Variants in FAM135B observed in about 807,000 individuals in gnomAD.
The protein encoded by FAM135B is protein FAM135B.
FAM135B carries 43 observed loss-of-function variants against 127.7 expected under a neutral mutation model. That is an observed-to-expected ratio of 0.34 (90% CI 0.26 to 0.43). The LOEUF is 0.43. Ranked by LOEUF, FAM135B falls within the 20% of genes least tolerant of loss-of-function variation. FAM135B has a pLI of 1.00. For missense variants in FAM135B, 1,558 were observed against 1,725.6 expected (o/e 0.90, Z 1.72); for synonymous variants, 670 against 665.1 (o/e 1.01, Z -0.11).
At chr8:138,493,264 T>C (rs1815271086) in intron 1 of FAM135B, among the ~76,000 whole-genome samples, 1 of 152,140 alleles carries the variant, frequency 6.6e-6, no homozygotes, top group South Asian at 2.1e-4. Context: ...AAGATCAGAC[T>C]TGAATCTGAA....
intron 4 of FAM135B, among the ~76,000 whole-genome samples, chr8:138,261,725 T>C (rs1019335478): frequency 1.6e-4 from 24 of 151,598 alleles, no homozygotes; most frequent in African/African-American, 5.3e-4. Flanking sequence ...GTTCTGTCCA[T>C]GGTCATCTCT....
intron 1 of FAM135B, among the ~76,000 whole-genome samples, chr8:138,401,508 C>T (rs963385996): frequency 1.3e-5 from 2 of 152,200 alleles, no homozygotes; most frequent in African/African-American, 2.4e-5. Flanking sequence ...CAGTCAGTGA[C>T]AGCCACGTGC....
At chr8:138,325,043 T>C (rs1404795957) in intron 2 of FAM135B, among the ~76,000 whole-genome samples, 2 of 152,152 alleles carry the variant, frequency 1.3e-5, no homozygotes, top group African/African-American at 2.4e-5. Flanking sequence ...TCAAAGCCCA[T>C]ATTCTTCTTT....
At chr8:138,264,342 T>A (rs1215706515) in intron 4 of FAM135B, among the ~76,000 whole-genome samples, 1 of 152,196 alleles carries the variant, frequency 6.6e-6, no homozygotes. Context: ...ATTCTCACTA[T>A]CTGAGTATCT....
At chr8:138,482,271 G>C (rs1814811997) in intron 1 of FAM135B, among the ~76,000 whole-genome samples, 1 of 152,060 alleles carries the variant, frequency 6.6e-6, no homozygotes. Flanking sequence ...AGGGAAGAGG[G>C]AAATAGGGAA....
chr8:138,158,070 A>G (rs1465461010), intron 12 of FAM135B, among the ~76,000 whole-genome samples: 1 of 152,210 alleles, frequency 6.6e-6, no homozygotes, highest in Non-Finnish European at 1.5e-5. Flanking sequence ...TACAGTAACC[A>G]AAACAGCAAG....
At position 138,446,876 on chromosome 8, in the gene FAM135B, G is replaced by A. The variant is rs548394102; in HGVS notation, c.-20+49795C>T. 5.1e-3 allele frequency among the ~76,000 whole-genome samples: 768 copies of A among 151,900 alleles called. 2 individuals are homozygous for A. The highest frequency in any genetic ancestry group is 0.037 in the Middle Eastern group (11 of 294). ...CATCAGAGTGAACAGGCAACCTACA[G>A]AATGGGAGAAAATTTTTGCAATCTA... On this transcript the variant is annotated intron_variant, in intron 1 of 19. Transcript: ENST00000395297.
intron 6 of FAM135B, among the ~76,000 whole-genome samples, chr8:138,244,496 T>C (rs1172191617): frequency 6.6e-6 from 1 of 152,178 alleles, no homozygotes; most frequent in Non-Finnish European, 1.5e-5. Context: ...TGGGGTCCCA[T>C]GGGATAAGCC....
At chr8:138,177,225 A>G in intron 11 of FAM135B, 122 bp downstream of exon 11, 1 of 835,826 alleles carries the variant, frequency 1.2e-6, no homozygotes. Context: ...ATGCAGACAG[A>G]AAGTGCAGAG....
intron 12 of FAM135B, among the ~76,000 whole-genome samples, chr8:138,160,296 G>C (rs746506206): frequency 2.0e-5 from 3 of 152,080 alleles, no homozygotes; most frequent in Non-Finnish European, 4.4e-5. Flanking sequence ...GAACCTGAAG[G>C]CTTATGGAAA....
In FAM135B at chr8:138,243,536, T is replaced by C. The variant is rs575612495; in HGVS notation, c.543-468A>G. On this transcript the variant is annotated intron_variant, in intron 6 of 19. Coordinates refer to ENST00000395297, the MANE Select transcript of FAM135B (RefSeq NM_015912.4). This position sits in a 1 kb window ranked among gnomAD's most constrained non-coding sequence, Gnocchi z 7.5. ...TCTTCCTCCATGATCCGCATGAGAG[T>C]CTAATACGATGTCAAAGACTGTCAT... Among the ~76,000 whole-genome samples, 5 of 152,214 alleles carry C rather than the reference T, an allele frequency of 3.3e-5. No homozygotes were observed. The South Asian group carries it at 1.0e-3, about 32-fold the overall frequency.
chr8:138,267,355 A>G (rs1823016461), intron 3 of FAM135B, among the ~76,000 whole-genome samples: 1 of 152,186 alleles, frequency 6.6e-6, no homozygotes, highest in Non-Finnish European at 1.5e-5. Context: ...TCTGTGGTCA[A>G]TAAGGCACCC....
At chr8:138,369,556 A>T (rs1830983279) in intron 1 of FAM135B, among the ~76,000 whole-genome samples, 1 of 152,198 alleles carries the variant, frequency 6.6e-6, no homozygotes. Context: ...AAATTCTGCA[A>T]GACAGAATTT....
intron 4 of FAM135B, among the ~76,000 whole-genome samples, chr8:138,261,875 A>T (rs529569112): frequency 1.3e-5 from 2 of 152,342 alleles, no homozygotes; most frequent in East Asian, 3.9e-4. Context: ...CCGTGAACAT[A>T]ATTTCTGGCC....
At chr8:138,154,975 C>T (rs988909601) in intron 12 of FAM135B, among the ~76,000 whole-genome samples, 3 of 152,126 alleles carry the variant, frequency 2.0e-5, no homozygotes, top group Non-Finnish European at 4.4e-5. Flanking sequence ...AGAAGAGCAA[C>T]TCCAAGACAC....
intron 3 of FAM135B, among the ~76,000 whole-genome samples, chr8:138,298,985 G>A (rs1220912170): frequency 6.6e-6 from 1 of 151,448 alleles, no homozygotes; most frequent in African/African-American, 2.4e-5. Flanking sequence ...ACTTGAACCC[G>A]GGATGCGGAG....
At position 138,130,453 on chromosome 8, in the gene FAM135B, T is replaced by C. The variant is rs1429993719; in HGVS notation, c.*2140A>G. 1 of 152,184 alleles carries C rather than the reference T, an allele frequency of 6.6e-6. No individual in the cohort carries two copies. Among genetic ancestry groups the C allele is most frequent in the Non-Finnish European group, 1.5e-5 (1 of 68,042 alleles). 9.4% of individuals were successfully genotyped at this position (152,184 alleles called of 1,614,324 possible). A position where few individuals can be genotyped will look rare whatever the true frequency, so the allele number is the denominator to read the frequency against. ...CGTTTATTGCCATTAGTTCTCACTA[T>C]GTCCAGACAGCATATTGAAGTTAAA... On this transcript the variant is annotated 3_prime_UTR_variant, in exon 20 of 20. Transcript: ENST00000395297.
intron 2 of FAM135B, among the ~76,000 whole-genome samples, chr8:138,331,054 C>T (rs2130993281): frequency 6.6e-6 from 1 of 152,232 alleles, no homozygotes; most frequent in East Asian, 1.9e-4. Flanking sequence ...GTTGGTCAGG[C>T]TGATCTTGAA....
At chr8:138,189,984 T>A (rs1330597419) in intron 9 of FAM135B, among the ~76,000 whole-genome samples, 1 of 152,164 alleles carries the variant, frequency 6.6e-6, no homozygotes, top group Non-Finnish European at 1.5e-5. Flanking sequence ...CAGCACAACC[T>A]TATCTGCATG....
Sources: gnomAD v4.1 joint callset for allele counts (sites outside exome capture counted in the v4.1 genomes callset) on GRCh38, gnomAD v4.1.1 for gene constraint, Gnocchi (gnomAD v3.1) non-coding constraint, MANE v1.5 for transcripts, NCBI Gene and HGNC (gene_info 2026-07-23, HGNC 2026-07-21) for gene names.